The following KIAA0513 variants were observed in gnomAD, a reference collection of about 807,000 sequenced individuals.
KIAA0513 encodes uncharacterized protein KIAA0513.
A neutral mutation model predicts 56.5 loss-of-function variants in KIAA0513; 39 were observed. That is an observed-to-expected ratio of 0.69 (90% CI 0.53 to 0.90). The LOEUF (loss-of-function observed/expected upper bound fraction) is 0.90. Ranked by LOEUF, KIAA0513 falls within the 40% of genes least tolerant of loss-of-function variation. The pLI is 0.00. For synonymous variants in KIAA0513, 268 were observed against 215.6 expected (o/e 1.24, Z -2.13); for missense variants, 591 against 535.2 (o/e 1.10, Z -1.03).
intron 1 of KIAA0513, among the ~76,000 whole-genome samples, chr16:85,042,931 A>G (rs886106626): frequency 6.6e-6 from 1 of 152,216 alleles, no homozygotes; most frequent in African/African-American, 2.4e-5. Context: ...TTTTATTCAA[A>G]TATAAGTTTT....
intron 2 of KIAA0513, 41 bp from the exon 3 acceptor site, chr16:85,071,742 G>GTT (rs373903661): frequency 0.014 from 14,993 of 1,078,826 alleles, 6 homozygotes; most frequent in South Asian, 0.036. Flanking sequence ...ATTGAAAAGG[G>GTT]TTTTTTTTTT....
rs1043513308 is a variant in KIAA0513, at chr16:85,087,874, C to A, written c.1187-402C>A. On this transcript the variant is annotated intron_variant, in intron 12 of 12. Coordinates refer to ENST00000683363, the MANE Select transcript of KIAA0513 (RefSeq NM_001388359.1). ...GACGACCTCAGAATGTTGCTCGCAG[C>A]CCCACCTCACTAGCAAAGGGCAAGG... is the stretch of plus-strand genomic sequence containing the variant. Among the ~76,000 whole-genome samples the A allele has an allele frequency of 2.0e-5, 3 of 152,254 alleles. No homozygotes were observed. In the East Asian group the frequency reaches 5.8e-4, roughly 29 times the overall value.
At chr16:85,072,369 C>T (rs1466437448) in intron 3 of KIAA0513, among the ~76,000 whole-genome samples, 1 of 152,030 alleles carries the variant, frequency 6.6e-6, no homozygotes, top group East Asian at 1.9e-4. Context: ...CCATAATACT[C>T]AGTGTTTTGT....
rs1240936034 is a variant in KIAA0513 at position 85,044,530 on chromosome 16, CAG to C, written c.-173+16676_-173+16677del. Among the ~76,000 whole-genome samples, 10 of 148,202 alleles carry C rather than the reference CAG, an allele frequency of 6.7e-5. No homozygotes were observed. The East Asian group carries it at 2.0e-3, about 29-fold the overall frequency. On this transcript the variant is annotated intron_variant, in intron 1 of 12. Transcript: ENST00000683363. ...TTTTTATTTTTTTTTTTTTTTGAGA[CAG>C]AGACTCGCCCTGTCGCCAGGCTGGA...
intron 10 of KIAA0513, among the ~76,000 whole-genome samples, chr16:85,086,372 G>A (rs1293990216): frequency 6.6e-6 from 1 of 152,238 alleles, no homozygotes; most frequent in African/African-American, 2.4e-5. Context: ...GGTGCTCCGT[G>A]CCTTCAGGGC....
chr16:85,087,685 C>T (rs1209301990), intron 12 of KIAA0513, among the ~76,000 whole-genome samples: 2 of 152,190 alleles, frequency 1.3e-5, no homozygotes, highest in Non-Finnish European at 2.9e-5. Flanking sequence ...CCTGTGTGCC[C>T]CCGCCATCTG....
At chr16:85,050,394 G>T (rs1280908628) in intron 1 of KIAA0513, among the ~76,000 whole-genome samples, 7 of 150,840 alleles carry the variant, frequency 4.6e-5, no homozygotes, top group African/African-American at 1.7e-4. Context: ...CTGTCACCCA[G>T]ACTGGAGTGC....
intron 6 of KIAA0513, among the ~76,000 whole-genome samples, chr16:85,078,144 G>A (rs118085786): frequency 1.7e-4 from 26 of 152,272 alleles, no homozygotes; most frequent in East Asian, 1.4e-3. Context: ...TCCCACTCAT[G>A]GCTGGGCCAC....
chr16:85,051,756 GGTTT>G (rs1360027150), intron 1 of KIAA0513, among the ~76,000 whole-genome samples: 1 of 151,486 alleles, frequency 6.6e-6, no homozygotes, highest in East Asian at 1.9e-4. Flanking sequence ...ATGCTGGCGG[GGTTT>G]GTTTGGGATT....
rs1177796146 is a variant in KIAA0513, at chr16:85,067,283, G to A, written c.212G>A (p.Arg71His). 40 of 1,613,782 alleles carry A rather than the reference G, an allele frequency of 2.5e-5. No individual in the cohort carries two copies. The highest frequency in any genetic ancestry group is 3.2e-5 in the Non-Finnish European group (38 of 1,180,038). ...CACCCGTCCTGGGACCAAGACCGCC[G>A]TTCCTCCTCCAACGAGTCCTTCTCC... ...PSHPSWDQDRRSSSNESFSSN... is the reference protein window; with the variant it reads ...PSHPSWDQDRHSSSNESFSSN... Residue 71 changes from arginine (R) to histidine (H), a missense_variant, in exon 2 of 13, where the codon CGT becomes CAT. By Grantham distance (29) the Arg-to-His change is conservative. Coordinates refer to ENST00000683363, the MANE Select transcript of KIAA0513 (RefSeq NM_001388359.1).
chr16:85,062,423 G>T (rs1369707616), intron 1 of KIAA0513, among the ~76,000 whole-genome samples: 3 of 152,174 alleles, frequency 2.0e-5, no homozygotes, highest in Non-Finnish European at 2.9e-5. Context: ...TGGGGCCTAC[G>T]ATGCGAATTG....
intron 1 of KIAA0513, among the ~76,000 whole-genome samples, chr16:85,035,324 C>T (rs895468572): frequency 1.5e-4 from 23 of 152,180 alleles, no homozygotes; most frequent in African/African-American, 5.1e-4. Context: ...GAGCAGGTGA[C>T]GAAGAAACGC....
intron 1 of KIAA0513, among the ~76,000 whole-genome samples, chr16:85,045,293 C>T (rs1336999187): frequency 3.3e-5 from 5 of 152,154 alleles, no homozygotes; most frequent in Non-Finnish European, 7.4e-5. Flanking sequence ...TGATTTATGG[C>T]CAAGCACTCA....
intron 1 of KIAA0513, among the ~76,000 whole-genome samples, chr16:85,037,185 G>A (rs919370565): frequency 1.3e-5 from 2 of 152,014 alleles, no homozygotes; most frequent in Admixed American, 1.3e-4. Flanking sequence ...GGTGTGTTTG[G>A]AGACATTTTC....
At chr16:85,039,440 C>T (rs548544830) in intron 1 of KIAA0513, among the ~76,000 whole-genome samples, 9 of 152,204 alleles carry the variant, frequency 5.9e-5, no homozygotes, top group Middle Eastern at 3.4e-3. Flanking sequence ...GTAACTGGGA[C>T]CATAGGCATG....
intron 2 of KIAA0513, among the ~76,000 whole-genome samples, chr16:85,069,555 G>A (rs990967411): frequency 1.3e-5 from 2 of 151,982 alleles, no homozygotes; most frequent in African/African-American, 4.8e-5. Flanking sequence ...TCCCTACCCC[G>A]GTTCACTGCC....
chr16:85,073,231 G>A (rs752343548), intron 4 of KIAA0513, among the ~76,000 whole-genome samples: 3 of 152,220 alleles, frequency 2.0e-5, no homozygotes, highest in Non-Finnish European at 4.4e-5. Context: ...GGCTGCCGCT[G>A]CGTGTGAGGA....
At chr16:85,058,398 A>C (rs1187872916) in intron 1 of KIAA0513, among the ~76,000 whole-genome samples, 3 of 152,202 alleles carry the variant, frequency 2.0e-5, no homozygotes, top group African/African-American at 7.2e-5. Context: ...TCATGCCTAT[A>C]ATCCCAGCAC....
intron 5 of KIAA0513, 138 bp from the exon 6 acceptor site, chr16:85,077,287 C>A (rs1436875284): frequency 2.6e-6 from 2 of 759,292 alleles, no homozygotes; most frequent in African/African-American, 1.8e-5. Context: ...CCTGCACCAC[C>A]CCCTGTCCTC....
Sources: allele counts gnomAD v4.1 joint callset (sites outside exome capture counted in the v4.1 genomes callset), GRCh38; gene constraint gnomAD v4.1.1; transcripts MANE v1.5; gene names NCBI Gene and HGNC (gene_info 2026-07-23, HGNC 2026-07-21).